SERGEF: variants seen among roughly 807,000 people sequenced by gnomAD.
SERGEF encodes secretion-regulating guanine nucleotide exchange factor.
SERGEF carries 51 observed loss-of-function variants against 50.0 expected under a neutral mutation model. That is an observed-to-expected ratio of 1.02 (90% CI 0.81 to 1.29). The LOEUF (loss-of-function observed/expected upper bound fraction) is 1.29. SERGEF is among the 50% of genes most tolerant of loss of function. The pLI is 0.00. For synonymous variants in SERGEF, 205 were observed against 212.4 expected (o/e 0.97, Z 0.30); for missense variants, 521 against 557.0 (o/e 0.94, Z 0.65).
chr11:17,845,205 T>C (rs1416671519), intron 10 of SERGEF, among the ~76,000 whole-genome samples: 2 of 152,228 alleles, frequency 1.3e-5, no homozygotes, highest in African/African-American at 4.8e-5. Context: ...CTACATGCTC[T>C]GCTTCAACTT....
intron 10 of SERGEF, among the ~76,000 whole-genome samples, chr11:17,860,500 TATAGAG>T (rs1850907273): frequency 6.6e-6 from 1 of 152,160 alleles, no homozygotes; most frequent in Non-Finnish European, 1.5e-5. Context: ...AGTTTAGAAA[TATAGAG>T]ATAGACACCC....
chr11:17,939,509 G>A (rs1174989337), intron 9 of SERGEF: 3 of 152,246 alleles, frequency 2.0e-5, no homozygotes, highest in Admixed American at 6.5e-5. Flanking sequence ...AATGCCATGA[G>A]TCTTCTCAGC....
chr11:17,863,438 C>A (rs1378956395), intron 10 of SERGEF: 1 of 152,242 alleles, frequency 6.6e-6, no homozygotes, highest in Non-Finnish European at 1.5e-5. Flanking sequence ...GTCCCTCAAC[C>A]ATTCACACTT....
At chr11:17,877,227 T>C (rs977745473) in intron 10 of SERGEF, among the ~76,000 whole-genome samples, 5 of 152,184 alleles carry the variant, frequency 3.3e-5, no homozygotes, top group African/African-American at 7.2e-5. Flanking sequence ...ACAGAAATTA[T>C]TGACACAAAT....
intron 8 of SERGEF, among the ~76,000 whole-genome samples, chr11:17,962,596 G>A (rs1853030010): frequency 6.6e-6 from 1 of 152,174 alleles, no homozygotes; most frequent in South Asian, 2.1e-4. Context: ...TCAAAACGAA[G>A]TCAGCAAGTG....
intron 10 of SERGEF, among the ~76,000 whole-genome samples, chr11:17,858,082 GA>G (rs1386155594): frequency 1.3e-5 from 2 of 152,330 alleles, no homozygotes; most frequent in Admixed American, 1.3e-4. Flanking sequence ...GGAAGACAAT[GA>G]AAAGCCTCAG....
intron 10 of SERGEF, among the ~76,000 whole-genome samples, chr11:17,860,815 T>A (rs1383370520): frequency 6.6e-6 from 1 of 152,166 alleles, no homozygotes; most frequent in Non-Finnish European, 1.5e-5. Context: ...CAGAAGCGTA[T>A]GTAAGATACA....
intron 8 of SERGEF, among the ~76,000 whole-genome samples, chr11:17,974,470 ACT>A (rs968586616): frequency 6.6e-6 from 1 of 152,206 alleles, no homozygotes; most frequent in African/African-American, 2.4e-5. Context: ...TCAGCAAAGC[ACT>A]GTTACTATGG....
intron 5 of SERGEF, among the ~76,000 whole-genome samples, 190 bp from the exon 6 acceptor site, chr11:17,996,099 C>CAGT (rs2134003659): frequency 6.6e-6 from 1 of 152,314 alleles, no homozygotes; most frequent in South Asian, 2.1e-4. Flanking sequence ...ATCACAAATC[C>CAGT]AGTCTTCAGG....
intron 1 of SERGEF, among the ~76,000 whole-genome samples, chr11:18,010,521 C>T (rs958059085): frequency 1.3e-5 from 2 of 152,156 alleles, no homozygotes; most frequent in African/African-American, 4.8e-5. Context: ...TACTGTGTCT[C>T]TTAGAAAAAA....
intron 10 of SERGEF, among the ~76,000 whole-genome samples, chr11:17,802,039 TCTC>T (rs1849679417): frequency 6.6e-6 from 1 of 152,170 alleles, no homozygotes; most frequent in African/African-American, 2.4e-5. Context: ...CGACCCAAGT[TCTC>T]CTACTGGTCC....
At chr11:17,813,150 C>T (rs1849904957) in intron 10 of SERGEF, among the ~76,000 whole-genome samples, 2 of 152,296 alleles carry the variant, frequency 1.3e-5, no homozygotes, top group South Asian at 4.2e-4. Flanking sequence ...ACCTTAGTGG[C>T]CTTGCTTGAA....
chr11:17,959,689 T>C (rs1015979671), intron 8 of SERGEF, 53 bp from the exon 9 acceptor site: 2 of 1,459,318 alleles, frequency 1.4e-6, no homozygotes, highest in Non-Finnish European at 1.9e-6. Flanking sequence ...TGTGCTCTCA[T>C]GGGTAGGCAA....
chr11:17,993,801 A>G (rs1853771346), intron 6 of SERGEF, among the ~76,000 whole-genome samples: 1 of 152,134 alleles, frequency 6.6e-6, no homozygotes, highest in Non-Finnish European at 1.5e-5. Context: ...TGGCCAGGTG[A>G]GGAGGGAACA....
At chr11:17,788,469 C>T in intron 10 of SERGEF, 56 bp from the exon 11 acceptor site, 1 of 1,425,394 alleles carries the variant, frequency 7.0e-7, no homozygotes, top group South Asian at 1.3e-5. Context: ...AGGGCTGAAA[C>T]ATTCACCCTG....
intron 1 of SERGEF, chr11:18,012,587 G>T: frequency 5.1e-6 from 6 of 1,180,456 alleles, no homozygotes; most frequent in Non-Finnish European, 6.4e-6. Flanking sequence ...GCCCCACGGA[G>T]CTCTGGGACC....
At chr11:17,941,145 T>C (rs1852555757) in intron 9 of SERGEF, among the ~76,000 whole-genome samples, 1 of 152,246 alleles carries the variant, frequency 6.6e-6, no homozygotes, top group Non-Finnish European at 1.5e-5. Context: ...TTAAATGTAT[T>C]TTAAAATAAG....
chr11:17,877,624 G>A (rs760453114), intron 10 of SERGEF, among the ~76,000 whole-genome samples: 1 of 152,180 alleles, frequency 6.6e-6, no homozygotes, highest in Non-Finnish European at 1.5e-5. Context: ...TGGAAACTGA[G>A]TCTACCTGTG....
chr11:17,853,469 G>A (rs1045659225), intron 10 of SERGEF: 3 of 152,202 alleles, frequency 2.0e-5, no homozygotes, highest in African/African-American at 7.2e-5. Context: ...AATGTGACTG[G>A]GCTGGCCTTG....
Sources: allele counts gnomAD v4.1 joint callset (sites outside exome capture counted in the v4.1 genomes callset), GRCh38; gene constraint gnomAD v4.1.1; transcripts MANE v1.5; gene names NCBI Gene and HGNC (gene_info 2026-07-23, HGNC 2026-07-21).